TMPRSS11E: variants seen among roughly 807,000 people sequenced by gnomAD.
TMPRSS11E encodes the protein transmembrane serine protease 11E.
In TMPRSS11E, 38 loss-of-function variants were observed where a neutral mutation model predicts 48.1. That is an observed-to-expected ratio of 0.79 (90% confidence interval 0.61 to 1.04). The LOEUF is 1.04. Among genes scored for constraint, TMPRSS11E ranks in the 50% least tolerant of loss-of-function variants. The pLI, the probability that TMPRSS11E is intolerant of heterozygous loss-of-function variation, is 0.00. For missense variants in TMPRSS11E, 530 were observed against 510.8 expected (o/e 1.04, Z -0.36); for synonymous variants, 158 against 171.9 (o/e 0.92, Z 0.63).
At chr4:68,449,129 T>A (rs1358687) in intron 1 of TMPRSS11E, among the ~76,000 whole-genome samples, 5 of 150,854 alleles carry the variant, frequency 3.3e-5, no homozygotes, top group Admixed American at 6.6e-5. Flanking sequence ...AGTTTTTTTT[T>A]TTTTTTTTTA....
intron 2 of TMPRSS11E, among the ~76,000 whole-genome samples, chr4:68,462,529 G>C (rs1728820782): frequency 6.6e-6 from 1 of 150,794 alleles, no homozygotes; most frequent in Admixed American, 6.6e-5. Context: ...GTTTCAGTGA[G>C]CCGAGATCAC....
intron 6 of TMPRSS11E, among the ~76,000 whole-genome samples, chr4:68,475,681 T>C (rs1322361108): frequency 6.6e-6 from 1 of 152,160 alleles, no homozygotes; most frequent in Non-Finnish European, 1.5e-5. Flanking sequence ...ACAACACTTC[T>C]CAACCAAGGG....
intron 2 of TMPRSS11E, among the ~76,000 whole-genome samples, chr4:68,465,172 A>G (rs973372999): frequency 2.0e-5 from 3 of 152,180 alleles, no homozygotes; most frequent in Non-Finnish European, 2.9e-5. Context: ...AAGGGAGGTG[A>G]GGAAGGATGG....
intron 5 of TMPRSS11E, 99 bp downstream of exon 5, chr4:68,471,722 G>A: frequency 2.3e-6 from 2 of 851,316 alleles, no homozygotes; most frequent in Non-Finnish European, 3.4e-6. Flanking sequence ...CTTTAATTCT[G>A]GGGTCTTGCC....
Position 68,478,451 on chromosome 4 carries a change from CTTTTTTTT to C in TMPRSS11E, c.968-384_968-377del, listed in dbSNP as rs377068765. The stretch of plus-strand genomic sequence containing the variant: ...AAGCCACCGCACCCGGTATCCCCCG[CTTTTTTTT>C]TTTTTTTTTTTTTAAGATGGGGCTT... On this transcript the variant is annotated intron_variant, in intron 8 of 9. Coordinates refer to ENST00000305363, the MANE Select transcript of TMPRSS11E (RefSeq NM_014058.4). 5.6e-4 allele frequency among the ~76,000 whole-genome samples: 41 copies of C among 73,636 alleles called. 1 individual carries two copies. In the South Asian group the frequency reaches 0.021, roughly 37 times the overall value. The allele number at this position is 73,636 out of a possible 152,430, so 48.3% of individuals were successfully genotyped here.
At chr4:68,490,172 C>T (rs1413838242) in intron 9 of TMPRSS11E, among the ~76,000 whole-genome samples, 1 of 152,158 alleles carries the variant, frequency 6.6e-6, no homozygotes, top group Non-Finnish European at 1.5e-5. Flanking sequence ...TACCAGCTTC[C>T]TTCCCTTTCA....
In TMPRSS11E at chr4:68,477,327, G is replaced by T. The variant is rs759486740; in HGVS notation, c.708-42G>T. 8 of 1,552,900 alleles carry T rather than the reference G, an allele frequency of 5.2e-6. No homozygotes were observed. In the East Asian group the frequency reaches 1.8e-4, roughly 35 times the overall value. On this transcript the variant is annotated intron_variant, in intron 7 of 9. Transcript: ENST00000305363. The stretch of plus-strand genomic sequence containing the variant: ...TTTAATATAAATTATTCGACTGGTA[G>T]CATGGTAAAAAGAAATTTATTCTTC...
intron 2 of TMPRSS11E, among the ~76,000 whole-genome samples, chr4:68,463,161 C>G (rs1728839588): frequency 1.3e-5 from 2 of 152,170 alleles, no homozygotes; most frequent in South Asian, 4.1e-4. Flanking sequence ...CAAGTATAAT[C>G]TCAATTTACA....
intron 9 of TMPRSS11E, among the ~76,000 whole-genome samples, chr4:68,492,800 A>G (rs1358232575): frequency 6.6e-6 from 1 of 152,196 alleles, no homozygotes; most frequent in Non-Finnish European, 1.5e-5. Flanking sequence ...TCATTAATTC[A>G]GCATTTGTGG....
intron 1 of TMPRSS11E, among the ~76,000 whole-genome samples, chr4:68,455,695 T>C (rs1728610496): frequency 6.6e-6 from 1 of 152,028 alleles, no homozygotes; most frequent in African/African-American, 2.4e-5. Flanking sequence ...CTTGCAGTGA[T>C]ATCAGCACAC....
At chr4:68,489,668 C>G (rs145765234) in intron 9 of TMPRSS11E, among the ~76,000 whole-genome samples, 1 of 152,218 alleles carries the variant, frequency 6.6e-6, no homozygotes, top group Non-Finnish European at 1.5e-5. Context: ...TAGGCAGGGT[C>G]TGCCATCAAA....
At chr4:68,466,030 C>A (rs978874957) in intron 2 of TMPRSS11E, among the ~76,000 whole-genome samples, 2 of 152,128 alleles carry the variant, frequency 1.3e-5, no homozygotes, top group African/African-American at 4.8e-5. Context: ...AACATACATG[C>A]AGTGACAAGG....
intron 9 of TMPRSS11E, among the ~76,000 whole-genome samples, chr4:68,479,391 T>A (rs987308111): frequency 5.3e-5 from 8 of 152,012 alleles, no homozygotes; most frequent in Non-Finnish European, 1.2e-4. Flanking sequence ...AGTAGCTTTT[T>A]AAACAGAATT....
At position 68,468,892 on chromosome 4, in the gene TMPRSS11E, T is replaced by C. The variant is rs747461515; in HGVS notation, c.272T>C (p.Phe91Ser). 2 of 1,608,366 alleles carry C rather than the reference T, an allele frequency of 1.2e-6. No homozygotes were observed. The highest frequency in any genetic ancestry group is 2.7e-5 in the African/African-American group (2 of 74,892). ...QRLESMVKNA[F>S]YKSPLREEFV... is the part of the protein sequence containing the mutation. ...TTTTACAAACAGGTGAAAAATGCAT[T>C]TTATAAATCTCCATTAAGGGAAGAA... The change falls in exon 4 of 10, where the codon TTT becomes TCT. Residue 91 changes from phenylalanine to serine, a missense_variant. Coordinates refer to ENST00000305363, the MANE Select transcript of TMPRSS11E (RefSeq NM_014058.4).
At chr4:68,463,116 C>T (rs578159739) in intron 2 of TMPRSS11E, among the ~76,000 whole-genome samples, 4 of 152,150 alleles carry the variant, frequency 2.6e-5, no homozygotes, top group Non-Finnish European at 4.4e-5. Context: ...AGAAAGAGTA[C>T]TCTGTAACCT....
chr4:68,452,083 G>T (rs1193122098), intron 1 of TMPRSS11E, among the ~76,000 whole-genome samples: 2 of 151,866 alleles, frequency 1.3e-5, no homozygotes. Context: ...CTAAAGGAAG[G>T]GAACAAAATG....
At chr4:68,466,584 A>C in intron 2 of TMPRSS11E, 47 bp from the exon 3 acceptor site, 1 of 1,602,736 alleles carries the variant, frequency 6.2e-7, no homozygotes, top group Non-Finnish European at 8.5e-7. Flanking sequence ...GATGCTTTAC[A>C]CACATCTGAT....
chr4:68,464,020 T>G (rs1409157560), intron 2 of TMPRSS11E, among the ~76,000 whole-genome samples: 1 of 152,156 alleles, frequency 6.6e-6, no homozygotes, highest in Non-Finnish European at 1.5e-5. Flanking sequence ...TGGCAAGAAT[T>G]TTTTCAGTAA....
At chr4:68,485,465 A>G (rs1729527732) in intron 9 of TMPRSS11E, among the ~76,000 whole-genome samples, 1 of 152,110 alleles carries the variant, frequency 6.6e-6, no homozygotes, top group Non-Finnish European at 1.5e-5. Context: ...TTATTTTCAT[A>G]TGTTGAACCA....
Sources: allele counts gnomAD v4.1 joint callset (sites outside exome capture counted in the v4.1 genomes callset), GRCh38; gene constraint gnomAD v4.1.1; transcripts MANE v1.5; gene names NCBI Gene and HGNC (gene_info 2026-07-23, HGNC 2026-07-21).